WDR70: variants seen among roughly 807,000 people sequenced by gnomAD.
WDR70 encodes the protein WD repeat domain 70, also known as WD repeat-containing protein 70.
Under a neutral mutation model 88.6 loss-of-function variants are expected in WDR70, and 53 were observed. The ratio of observed to expected loss-of-function variants is 0.60; its 90% CI spans 0.48 to 0.75. The LOEUF (loss-of-function observed/expected upper bound fraction) is 0.75. WDR70 is among the 30% of genes least tolerant of loss of function. The pLI, the probability that WDR70 is intolerant of heterozygous loss-of-function variation, is 0.00. For missense variants in WDR70, 610 were observed against 823.2 expected, an observed-to-expected ratio of 0.74 and a Z score of 3.17; for synonymous variants, 280 against 270.0, an observed-to-expected ratio of 1.04 and a Z score of -0.36.
chr5:37,469,843 T>C (rs1455137147), intron 7 of WDR70, among the ~76,000 whole-genome samples: 1 of 152,170 alleles, frequency 6.6e-6, no homozygotes, highest in Non-Finnish European at 1.5e-5. Flanking sequence ...ACTAAGTTTT[T>C]CTCTGCTATT....
At chr5:37,392,171 T>TATA (rs749250261) in intron 4 of WDR70, 51 bp downstream of exon 4, 1 of 1,544,110 alleles carries the variant, frequency 6.5e-7, no homozygotes, top group Non-Finnish European at 8.7e-7. Context: ...TCTAGGTGTT[T>TATA]ATAGAGTTTT....
At chr5:37,640,843 C>T (rs1745083297) in intron 10 of WDR70, among the ~76,000 whole-genome samples, 1 of 152,134 alleles carries the variant, frequency 6.6e-6, no homozygotes, top group Non-Finnish European at 1.5e-5. Context: ...TAAAAAAATA[C>T]GGAAGTTCAT....
intron 9 of WDR70, among the ~76,000 whole-genome samples, chr5:37,602,495 T>C (rs967898567): frequency 1.3e-5 from 2 of 151,558 alleles, no homozygotes; most frequent in African/African-American, 2.4e-5. Context: ...TAATCCCAGC[T>C]ACTCGGGAAG....
chr5:37,414,620 T>A (rs1749637390), intron 5 of WDR70, among the ~76,000 whole-genome samples: 2 of 149,346 alleles, frequency 1.3e-5, no homozygotes, highest in Non-Finnish European at 3.0e-5. Flanking sequence ...TTTTTTTTTT[T>A]ACTGCTGTAT....
At chr5:37,421,083 T>G (rs1167994436) in intron 5 of WDR70, among the ~76,000 whole-genome samples, 1 of 152,142 alleles carries the variant, frequency 6.6e-6, no homozygotes, top group Non-Finnish European at 1.5e-5. Flanking sequence ...CAGTTATCCA[T>G]CCCCTTTCGA....
chr5:37,729,124 A>AT lies in WDR70; in HGVS notation c.1877+2086dup, dbSNP rs559902674. ...TGGCATCTTTCTCAAGCGCCTATAT[A>AT]TTTTTTTAGTACTTCCTTACTTTCT... On this transcript the variant is annotated intron_variant, in intron 17 of 17. Coordinates refer to ENST00000265107, the MANE Select transcript of WDR70 (RefSeq NM_018034.4). 1.6e-4 allele frequency among the ~76,000 whole-genome samples: 24 copies of AT among 152,136 alleles called. No individual in the cohort carries two copies. The East Asian group carries it at 4.1e-3, about 26-fold the overall frequency.
At chr5:37,405,609 C>T (rs1489486718) in intron 5 of WDR70, among the ~76,000 whole-genome samples, 1 of 151,844 alleles carries the variant, frequency 6.6e-6, no homozygotes, top group East Asian at 1.9e-4. Flanking sequence ...AGTTAATTGT[C>T]CCTCATTATA....
intron 13 of WDR70, among the ~76,000 whole-genome samples, chr5:37,708,780 G>A (rs1162491712): frequency 1.3e-5 from 2 of 152,150 alleles, no homozygotes; most frequent in African/African-American, 2.4e-5. Flanking sequence ...TATTCCACAA[G>A]TCCTCAGAAA....
chr5:37,701,539 C>T (rs1328512515), intron 12 of WDR70, among the ~76,000 whole-genome samples: 2 of 152,042 alleles, frequency 1.3e-5, no homozygotes, highest in Non-Finnish European at 2.9e-5. Flanking sequence ...CCTGTAATCC[C>T]AGCACTTTGG....
intron 8 of WDR70, among the ~76,000 whole-genome samples, chr5:37,507,798 T>G (rs1282090174): frequency 6.6e-6 from 1 of 152,224 alleles, no homozygotes; most frequent in Non-Finnish European, 1.5e-5. Context: ...AAATAGGACT[T>G]TAAAATATTT....
chr5:37,501,694 A>G (rs914498313), intron 8 of WDR70, among the ~76,000 whole-genome samples: 2 of 152,080 alleles, frequency 1.3e-5, no homozygotes, highest in Non-Finnish European at 2.9e-5. Context: ...TTTATTGAAT[A>G]GGGTGTTCTT....
chr5:37,397,155 C>A (rs1050685512), intron 5 of WDR70, among the ~76,000 whole-genome samples: 6 of 150,750 alleles, frequency 4.0e-5, no homozygotes, highest in Non-Finnish European at 7.4e-5. Flanking sequence ...CCCCCCAACC[C>A]CCCCGCAAAA....
At chr5:37,542,797 G>T (rs2112331945) in intron 9 of WDR70, among the ~76,000 whole-genome samples, 1 of 152,238 alleles carries the variant, frequency 6.6e-6, no homozygotes, top group Non-Finnish European at 1.5e-5. Flanking sequence ...GACAGTTGGG[G>T]AAATTTTTAT....
chr5:37,538,233 C>T (rs1741720354), intron 9 of WDR70, among the ~76,000 whole-genome samples: 2 of 152,176 alleles, frequency 1.3e-5, no homozygotes, highest in African/African-American at 4.8e-5. Context: ...TATCTCTCCT[C>T]TCCTGCCTCT....
chr5:37,484,081 G>A (rs1352677834), intron 8 of WDR70, among the ~76,000 whole-genome samples: 1 of 151,952 alleles, frequency 6.6e-6, no homozygotes, highest in African/African-American at 2.4e-5. Context: ...CTGGGCAGCT[G>A]GGCAGAGGGG....
Position 37,519,607 on chromosome 5 carries a change from C to T in WDR70, c.917+3017C>T, listed in dbSNP as rs1293403038. Among the ~76,000 whole-genome samples, 11 of 123,724 alleles carry T rather than the reference C, an allele frequency of 8.9e-5. 1 individual carries two copies. Among genetic ancestry groups the T allele is most frequent in the South Asian group, 2.8e-4 (1 of 3,566 alleles). 81.2% of individuals were successfully genotyped at this position (123,724 alleles called of 152,430 possible). Reference sequence around the variant, plus strand: ...GCAGAGGCGCTCCTCACCTCCCAGACGGCGTGGCCGGGCGGAGGCGCTCCT... The same window carrying T: ...GCAGAGGCGCTCCTCACCTCCCAGATGGCGTGGCCGGGCGGAGGCGCTCCT... On this transcript the variant is annotated intron_variant, in intron 9 of 17. Coordinates refer to ENST00000265107, the MANE Select transcript of WDR70 (RefSeq NM_018034.4).
intron 10 of WDR70, among the ~76,000 whole-genome samples, chr5:37,640,290 G>A (rs918247541): frequency 2.0e-5 from 3 of 152,094 alleles, no homozygotes; most frequent in Admixed American, 6.5e-5. Flanking sequence ...AAAACCTGTT[G>A]TTTCAATTTT....
chr5:37,432,963 A>G (rs1011602741), intron 5 of WDR70, among the ~76,000 whole-genome samples: 1 of 152,014 alleles, frequency 6.6e-6, no homozygotes, highest in Non-Finnish European at 1.5e-5. Flanking sequence ...TATATATAAG[A>G]TTTGCGCAAA....
Position 37,703,044 on chromosome 5 carries a change from G to A in WDR70, c.1373G>A (p.Arg458His), listed in dbSNP as rs768879291. The change falls in exon 13 of 18, where the codon CGT (arginine) becomes CAT (histidine). Residue 458 changes from arginine to histidine, a missense_variant. Coordinates refer to ENST00000265107, the MANE Select transcript of WDR70 (RefSeq NM_018034.4). ...AGCGGCAAACTTGTTTTCTTTGAGC[G>A]TAGGACTTTCCAAAGGGTGTATGAA... ...CGSGKLVFFE[R>H]RTFQRVYEID... 2.7e-5 allele frequency: 43 copies of A among 1,613,614 alleles called. No homozygotes were observed. The highest frequency in any genetic ancestry group is 3.3e-5 in the Non-Finnish European group (39 of 1,179,736).
Sources: gnomAD v4.1 joint callset for allele counts (sites outside exome capture counted in the v4.1 genomes callset) on GRCh38, gnomAD v4.1.1 for gene constraint, MANE v1.5 for transcripts, NCBI Gene and HGNC (gene_info 2026-07-23, HGNC 2026-07-21) for gene names.